Variants in IPO11 observed in about 807,000 individuals in gnomAD.
IPO11 encodes the protein importin-11.
A neutral mutation model predicts 143.2 loss-of-function variants in IPO11; 66 were observed. The observed-to-expected ratio is 0.46, with a 90% CI of 0.38 to 0.57. IPO11 has a LOEUF of 0.57. IPO11 is among the 20% of genes least tolerant of loss of function. IPO11 has a pLI of 0.00. For missense variants in IPO11, 1,026 were observed against 1,141.0 expected (o/e 0.90, Z 1.45); for synonymous variants, 385 against 377.8 (o/e 1.02, Z -0.22).
At chr5:62,450,736 C>CTACTAT (rs1341058817) in intron 4 of IPO11, among the ~76,000 whole-genome samples, 1 of 148,724 alleles carries the variant, frequency 6.7e-6, no homozygotes, top group Non-Finnish European at 1.5e-5. Context: ...TTTTCAATTC[C>CTACTAT]TACTATTCTG....
At chr5:62,586,188 A>G (rs942108717) in intron 27 of IPO11, among the ~76,000 whole-genome samples, 3 of 152,232 alleles carry the variant, frequency 2.0e-5, no homozygotes, top group African/African-American at 7.2e-5. Flanking sequence ...AGCTGTAACA[A>G]AACAGTAAAC....
At chr5:62,426,125 G>A (rs767396264) in intron 1 of IPO11, among the ~76,000 whole-genome samples, 22 of 152,144 alleles carry the variant, frequency 1.4e-4, no homozygotes, top group Non-Finnish European at 2.5e-4. Flanking sequence ...GGTGGCTCAC[G>A]TCTGTAATCC....
intron 5 of IPO11, among the ~76,000 whole-genome samples, chr5:62,455,874 G>A (rs956439156): frequency 5.9e-5 from 9 of 151,664 alleles, no homozygotes; most frequent in East Asian, 3.9e-4. Flanking sequence ...ACAGACATGC[G>A]CCACCATGCC....
intron 29 of IPO11, among the ~76,000 whole-genome samples, chr5:62,605,405 G>A (rs1284577324): frequency 6.6e-6 from 1 of 152,134 alleles, no homozygotes; most frequent in Non-Finnish European, 1.5e-5. Context: ...AAGCTGTCCA[G>A]CCTTTTGATC....
chr5:62,536,144 C>A (rs943022834), intron 22 of IPO11, among the ~76,000 whole-genome samples: 3 of 152,076 alleles, frequency 2.0e-5, no homozygotes, highest in Non-Finnish European at 2.9e-5. Context: ...GAAGTAATAT[C>A]GCATATTTAG....
chr5:62,580,465 A>G, intron 27 of IPO11: 1 of 1,551,438 alleles, frequency 6.4e-7, no homozygotes, highest in East Asian at 2.4e-5. Flanking sequence ...CTTGCATCCA[A>G]GGGTCCTTAA....
chr5:62,507,202 A>G (rs1487946781), intron 19 of IPO11, among the ~76,000 whole-genome samples: 3 of 152,186 alleles, frequency 2.0e-5, no homozygotes, highest in African/African-American at 7.2e-5. Flanking sequence ...GACTTGAAGG[A>G]ACTTTTCAAA....
intron 7 of IPO11, among the ~76,000 whole-genome samples, chr5:62,470,690 T>C (rs1201526413): frequency 6.6e-6 from 1 of 151,876 alleles, no homozygotes; most frequent in Admixed American, 6.6e-5. Flanking sequence ...TTTTTTTCTG[T>C]CTGATCATTA....
At position 62,628,551 on chromosome 5, in the gene IPO11, T is replaced by C. The variant is rs890649710; in HGVS notation, c.*1233T>C. On this transcript the variant is annotated 3_prime_UTR_variant, in exon 30 of 30. Coordinates refer to ENST00000325324, the MANE Select transcript of IPO11 (RefSeq NM_016338.5). Reference sequence around the variant, plus strand: ...TGTTTTCAGAAAGAGGAAGAAAATATGGTCCAAATTAAATTTTCCAAAGAT... The same window carrying C: ...TGTTTTCAGAAAGAGGAAGAAAATACGGTCCAAATTAAATTTTCCAAAGAT... 4 of 152,628 alleles carry C rather than the reference T, an allele frequency of 2.6e-5. No homozygotes were observed. Among genetic ancestry groups the C allele is most frequent in the Non-Finnish European group, 4.4e-5 (3 of 68,030 alleles). 9.5% of individuals were successfully genotyped at this position (152,628 alleles called of 1,614,324 possible). A position where few individuals can be genotyped will look rare whatever the true frequency, so the allele number is the denominator to read the frequency against.
At position 62,584,325 on chromosome 5, in the gene IPO11, G is replaced by A. The variant is rs114052062; in HGVS notation, c.2583-7252G>A. On this transcript the variant is annotated intron_variant, in intron 27 of 29. Transcript: ENST00000325324. Reference sequence around the variant, plus strand: ...TCAGGAGATAGGAGAGGCTGGGCACGGTGATTCACACCAGTGATCCCAGCA... The same window carrying A: ...TCAGGAGATAGGAGAGGCTGGGCACAGTGATTCACACCAGTGATCCCAGCA... Among the ~76,000 whole-genome samples the A allele has an allele frequency of 3.8e-3, 581 of 152,126 alleles. 2 individuals carry two copies. Among genetic ancestry groups the A allele is most frequent in the African/African-American group, 0.013 (555 of 41,502 alleles).
intron 9 of IPO11, among the ~76,000 whole-genome samples, chr5:62,482,587 C>G (rs1037864976): frequency 6.6e-6 from 1 of 152,158 alleles, no homozygotes; most frequent in Non-Finnish European, 1.5e-5. Flanking sequence ...TGTTGATCAT[C>G]ATTTGCCTAG....
intron 16 of IPO11, among the ~76,000 whole-genome samples, chr5:62,501,104 A>C (rs1218174501): frequency 6.6e-6 from 1 of 152,216 alleles, no homozygotes; most frequent in Non-Finnish European, 1.5e-5. Flanking sequence ...TACTGTGGGA[A>C]GTACAGCTGG....
intron 29 of IPO11, among the ~76,000 whole-genome samples, chr5:62,620,524 A>T (rs1746316148): frequency 6.6e-6 from 1 of 151,780 alleles, no homozygotes; most frequent in Non-Finnish European, 1.5e-5. Context: ...GTCTAAAAAA[A>T]AAAAAAAAAA....
At chr5:62,414,352 A>G (rs1461349192) in intron 1 of IPO11, among the ~76,000 whole-genome samples, 2 of 152,116 alleles carry the variant, frequency 1.3e-5, no homozygotes, top group African/African-American at 2.4e-5. Context: ...GGGTAAGGTA[A>G]TGTTTGATTA....
chr5:62,554,472 A>G (rs1411026499), intron 26 of IPO11, among the ~76,000 whole-genome samples: 1 of 151,954 alleles, frequency 6.6e-6, no homozygotes, highest in Admixed American at 6.6e-5. Flanking sequence ...AGAGGTAGGG[A>G]TCTAGTTTTG....
intron 28 of IPO11, among the ~76,000 whole-genome samples, chr5:62,600,607 G>GAGTAAT (rs1290090928): frequency 3.3e-5 from 5 of 152,156 alleles, no homozygotes; most frequent in Non-Finnish European, 1.5e-5. Flanking sequence ...TTATTAAATA[G>GAGTAAT]CTTTTGGGTT....
intron 22 of IPO11, among the ~76,000 whole-genome samples, chr5:62,532,046 C>T (rs144515437): frequency 6.6e-6 from 1 of 152,288 alleles, no homozygotes; most frequent in African/African-American, 2.4e-5. Context: ...TTATATTTGA[C>T]CTAAGATTAG....
At chr5:62,591,435 A>G in intron 27 of IPO11, 142 bp from the exon 28 acceptor site, 1 of 579,064 alleles carries the variant, frequency 1.7e-6, no homozygotes, top group Non-Finnish European at 3.0e-6. Flanking sequence ...ACTTTTTGTT[A>G]TAAGAAATAG....
intron 28 of IPO11, among the ~76,000 whole-genome samples, chr5:62,594,626 C>T (rs1370848446): frequency 2.0e-5 from 3 of 152,200 alleles, no homozygotes; most frequent in Non-Finnish European, 4.4e-5. Context: ...AATGTTTAAC[C>T]AGATTGCTGG....
Sources: gnomAD v4.1 joint callset for allele counts (sites outside exome capture counted in the v4.1 genomes callset) on GRCh38, gnomAD v4.1.1 for gene constraint, MANE v1.5 for transcripts, NCBI Gene and HGNC (gene_info 2026-07-23, HGNC 2026-07-21) for gene names.